The following RFWD3 variants were observed in gnomAD, a reference collection of about 807,000 sequenced individuals.
RFWD3 encodes the protein ring finger and WD repeat domain 3, also known as E3 ubiquitin-protein ligase RFWD3.
A neutral mutation model predicts 87.7 loss-of-function variants in RFWD3; 65 were observed. The observed-to-expected ratio is 0.74, with a 90% CI of 0.61 to 0.91. The LOEUF is 0.91. RFWD3 is among the 40% of genes least tolerant of loss of function. The probability of loss-of-function intolerance (pLI) is 0.00; values close to 1 mark genes in which losing one functional copy is unlikely to be tolerated. For synonymous variants in RFWD3, 433 were observed against 352.8 expected, an observed-to-expected ratio of 1.23 and a Z score of -2.55; for missense variants, 1,078 against 938.5, an observed-to-expected ratio of 1.15 and a Z score of -1.94.
intron 3 of RFWD3, among the ~76,000 whole-genome samples, chr16:74,649,904 T>G (rs563710308): frequency 6.6e-6 from 1 of 152,294 alleles, no homozygotes; most frequent in Admixed American, 6.5e-5. Flanking sequence ...GACTGCTTCT[T>G]CATGAAATTA....
At chr16:74,666,073 G>GGAGGGA (rs1481169758) in intron 1 of RFWD3, among the ~76,000 whole-genome samples, 1 of 152,006 alleles carries the variant, frequency 6.6e-6, no homozygotes, top group Admixed American at 6.6e-5. Context: ...AGGGGGAAGA[G>GGAGGGA]GAGGGAGAGG....
intron 7 of RFWD3, 70 bp from the exon 8 acceptor site, chr16:74,636,647 A>C: frequency 8.7e-7 from 1 of 1,145,144 alleles, no homozygotes; most frequent in Non-Finnish European, 1.3e-6. Context: ...CAATTCCTTG[A>C]TCTTTTACAG....
At chr16:74,637,138 A>AAAC (rs1959220077) in intron 7 of RFWD3, among the ~76,000 whole-genome samples, 1 of 150,694 alleles carries the variant, frequency 6.6e-6, no homozygotes, top group African/African-American at 2.4e-5. Context: ...AAAAAAAAAA[A>AAAC]AAAAAAACAA....
At chr16:74,633,279 G>GGA (rs1555525457) in intron 8 of RFWD3, among the ~76,000 whole-genome samples, 3 of 111,010 alleles carry the variant, frequency 2.7e-5, no homozygotes, top group East Asian at 2.4e-4. Context: ...CTCCGTCTCA[G>GGA]AAAAAAAAAA....
At chr16:74,665,195 C>T (rs1961783008) in intron 1 of RFWD3, 1 of 152,156 alleles carries the variant, frequency 6.6e-6, no homozygotes, top group Non-Finnish European at 1.5e-5. Flanking sequence ...GCCTGTGATC[C>T]CTGGACACTG....
chr16:74,646,523 C>CA (rs1567578805), intron 4 of RFWD3, among the ~76,000 whole-genome samples: 1 of 152,186 alleles, frequency 6.6e-6, no homozygotes, highest in African/African-American at 2.4e-5. Flanking sequence ...CGCAGTGGCT[C>CA]ACACCTGTAA....
intron 1 of RFWD3, among the ~76,000 whole-genome samples, chr16:74,661,893 T>C (rs1160361790): frequency 6.6e-6 from 1 of 152,006 alleles, no homozygotes; most frequent in African/African-American, 2.4e-5. Context: ...AAGGGATAAA[T>C]AGAGAAAGGA....
chr16:74,632,997 C>A (rs1959148591), intron 8 of RFWD3, among the ~76,000 whole-genome samples: 1 of 152,056 alleles, frequency 6.6e-6, no homozygotes, highest in Non-Finnish European at 1.5e-5. Flanking sequence ...ACAACCCAGG[C>A]CAGGCATGGT....
At chr16:74,646,614 C>T (rs182025444) in intron 4 of RFWD3, among the ~76,000 whole-genome samples, 142 of 152,032 alleles carry the variant, frequency 9.3e-4, no homozygotes, top group African/African-American at 3.1e-3. Context: ...GGTGAAACCT[C>T]GTCTCTACTA....
chr16:74,666,175 A>G (rs1203822722), intron 1 of RFWD3: 1 of 144,782 alleles, frequency 6.9e-6, no homozygotes, highest in Non-Finnish European at 1.5e-5. Context: ...TAGATTAGAT[A>G]GACAGATTAG....
In RFWD3 at chr16:74,645,713, A is replaced by G. The variant is rs1474744555; in HGVS notation, c.793-978T>C. Among the ~76,000 whole-genome samples the G allele has an allele frequency of 4.3e-5, 6 of 139,694 alleles. No individual in the cohort carries two copies. The Admixed American group carries it at 4.4e-4, about 10-fold the overall frequency. 91.6% of individuals were successfully genotyped at this position (139,694 alleles called of 152,430 possible). A position where few individuals can be genotyped will look rare whatever the true frequency, so the allele number is the denominator to read the frequency against. On this transcript the variant is annotated intron_variant, in intron 4 of 12. Transcript: ENST00000361070. ...GTGGTCTGTCATAGACTGAACTATTATGCAGCCCATGATCATAGTCACAAA... is the reference window on the plus strand; with the variant it reads ...GTGGTCTGTCATAGACTGAACTATTGTGCAGCCCATGATCATAGTCACAAA...
chr16:74,634,395 TA>T lies in RFWD3; in HGVS notation c.1427-1723del, dbSNP rs1387567256. ...TAAGTACTTTATATATATATATATA[TA>T]TATTTTGAGACAAGGCCTCACTCTG... On this transcript the variant is annotated intron_variant, in intron 8 of 12. Transcript: ENST00000361070. 1.2e-3 allele frequency among the ~76,000 whole-genome samples: 186 copies of T among 151,914 alleles called. 1 individual carries two copies. The highest frequency in any genetic ancestry group is 4.4e-3 in the African/African-American group (181 of 41,458).
At chr16:74,651,881 T>C in intron 3 of RFWD3, 39 bp downstream of exon 3, 1 of 1,574,478 alleles carries the variant, frequency 6.4e-7, no homozygotes, top group Non-Finnish European at 8.7e-7. Flanking sequence ...GCTTCATGGA[T>C]GTTAGCCTTG....
At chr16:74,642,172 G>C (rs1959717837) in intron 6 of RFWD3, among the ~76,000 whole-genome samples, 1 of 152,034 alleles carries the variant, frequency 6.6e-6, no homozygotes. Context: ...GCCCAGGCTG[G>C]AGTGCAGTGG....
intron 11 of RFWD3, among the ~76,000 whole-genome samples, chr16:74,627,928 G>T (rs977069205): frequency 6.6e-6 from 1 of 152,194 alleles, no homozygotes; most frequent in Non-Finnish European, 1.5e-5. Context: ...GATTCATGCC[G>T]CTTAGCCTAG....
chr16:74,655,278 C>T (rs527717574), intron 2 of RFWD3, among the ~76,000 whole-genome samples: 8 of 151,618 alleles, frequency 5.3e-5, no homozygotes, highest in African/African-American at 1.9e-4. Context: ...CTCACTTTGT[C>T]GCCCAGGTTA....
rs949061790 is a variant in RFWD3, at chr16:74,666,811, C to A, written c.-28G>T. On this transcript the variant is annotated 5_prime_UTR_variant, in exon 1 of 13. Coordinates refer to ENST00000361070, the MANE Select transcript of RFWD3 (RefSeq NM_018124.4). ...CTGAAACCAGCAGGCCGCGGCCGGG[C>A]TCGCGAGCCCGCCGAAGACTCGGTA... The A allele has an allele frequency of 2.6e-5, 1 of 37,750 alleles. No individual in the cohort carries two copies. Among genetic ancestry groups the A allele is most frequent in the Non-Finnish European group, 4.9e-5 (1 of 20,616 alleles). The allele number at this position is 37,750 out of a possible 1,614,324, so 2.3% of individuals were successfully genotyped here.
At chr16:74,630,076 T>C (rs1959042844) in intron 10 of RFWD3, among the ~76,000 whole-genome samples, 1 of 152,220 alleles carries the variant, frequency 6.6e-6, no homozygotes, top group Non-Finnish European at 1.5e-5. Context: ...ACTGATCTCT[T>C]CCTATGTGCT....
At chr16:74,649,038 C>CT in intron 4 of RFWD3, 94 bp downstream of exon 4, 4 of 711,670 alleles carry the variant, frequency 5.6e-6, no homozygotes, top group Non-Finnish European at 8.8e-6. Flanking sequence ...GTTATGACTG[C>CT]ACCACTGCAC....
Sources: allele counts gnomAD v4.1 joint callset (sites outside exome capture counted in the v4.1 genomes callset), GRCh38; gene constraint gnomAD v4.1.1; transcripts MANE v1.5; gene names NCBI Gene and HGNC (gene_info 2026-07-23, HGNC 2026-07-21).